RABGAP1L: variants seen among roughly 807,000 people sequenced by gnomAD.
The protein encoded by RABGAP1L is rab GTPase-activating protein 1-like.
Under a neutral mutation model 137.7 loss-of-function variants are expected in RABGAP1L, and 63 were observed. That is an observed-to-expected ratio of 0.46 (90% confidence interval 0.37 to 0.56). The LOEUF (loss-of-function observed/expected upper bound fraction) is 0.56. RABGAP1L is among the 20% of genes least tolerant of loss of function. RABGAP1L has a pLI of 0.00. For missense variants in RABGAP1L, 1,095 were observed against 1,244.0 expected (o/e 0.88, Z 1.80); for synonymous variants, 431 against 433.7 (o/e 0.99, Z 0.08).
At chr1:174,965,557 C>T (rs1203877033) in intron 20 of RABGAP1L, among the ~76,000 whole-genome samples, 1 of 152,186 alleles carries the variant, frequency 6.6e-6, no homozygotes, top group Non-Finnish European at 1.5e-5. Context: ...AAGACAGCCA[C>T]GTTAATATAA....
At chr1:174,811,789 G>C in intron 18 of RABGAP1L, 43 bp from the exon 19 acceptor site, 1 of 1,460,150 alleles carries the variant, frequency 6.8e-7, no homozygotes, top group South Asian at 1.6e-5. Flanking sequence ...TGTCCTCAAA[G>C]CAGGCTGAAA....
chr1:174,616,202 C>T (rs1347136842), intron 13 of RABGAP1L, among the ~76,000 whole-genome samples: 7 of 152,186 alleles, frequency 4.6e-5, no homozygotes, highest in Non-Finnish European at 7.3e-5. Flanking sequence ...CAGAGCTGTT[C>T]CTATTCGGCC....
intron 13 of RABGAP1L, among the ~76,000 whole-genome samples, chr1:174,621,094 C>T (rs1454511182): frequency 1.3e-5 from 2 of 151,824 alleles, no homozygotes; most frequent in Non-Finnish European, 2.9e-5. Context: ...GGAAGAACTC[C>T]CATTCATAAT....
chr1:174,364,446 G>A (rs1030316717), intron 11 of RABGAP1L, among the ~76,000 whole-genome samples: 6 of 150,356 alleles, frequency 4.0e-5, no homozygotes, highest in Non-Finnish European at 8.9e-5. Context: ...AGTAGAGACG[G>A]GGTTTCACCG....
At chr1:174,868,943 AT>A (rs1173151813) in intron 19 of RABGAP1L, among the ~76,000 whole-genome samples, 3 of 152,054 alleles carry the variant, frequency 2.0e-5, no homozygotes, top group Non-Finnish European at 2.9e-5. Context: ...TTGGTAGAGG[AT>A]TGAAATTGTA....
intron 12 of RABGAP1L, among the ~76,000 whole-genome samples, chr1:174,393,542 G>A (rs748661714): frequency 6.6e-6 from 1 of 152,036 alleles, no homozygotes; most frequent in Non-Finnish European, 1.5e-5. Flanking sequence ...TCAGAGAAGT[G>A]GGTATAGTCA....
chr1:174,164,355 T>A (rs1382232578), intron 1 of RABGAP1L, among the ~76,000 whole-genome samples: 1 of 152,218 alleles, frequency 6.6e-6, no homozygotes, highest in East Asian at 1.9e-4. Flanking sequence ...GTAGTATACA[T>A]GAAGGACACC....
chr1:174,492,953 GCATTATTGTCCATTTAATTATCTTTTT>G (rs1223208853), intron 13 of RABGAP1L, among the ~76,000 whole-genome samples: 1 of 151,688 alleles, frequency 6.6e-6, no homozygotes, highest in Non-Finnish European at 1.5e-5. Context: ...ATACATTGCA[GCATTATTGTCCATTTAATTATCTTTTT>G]CATTAGGCTT....
At chr1:174,564,419 T>G (rs1667432240) in intron 13 of RABGAP1L, among the ~76,000 whole-genome samples, 1 of 152,214 alleles carries the variant, frequency 6.6e-6, no homozygotes, top group African/African-American at 2.4e-5. Context: ...CATGTGTTGC[T>G]TTGTTTAATC....
At position 174,460,189 on chromosome 1, in the gene RABGAP1L, T is replaced by C. The variant is rs564807263; in HGVS notation, c.1710+66044T>C. Among the ~76,000 whole-genome samples the C allele has an allele frequency of 2.4e-4, 37 of 152,238 alleles. 1 individual carries two copies. The highest frequency in any genetic ancestry group is 2.3e-3 in the South Asian group (11 of 4,832). On this transcript the variant is annotated intron_variant, in intron 13 of 25. Coordinates refer to ENST00000681986, the MANE Select transcript of RABGAP1L (RefSeq NM_001366446.1). ...GTTATAGCAAATCATTATTAACTTA[T>C]CTCAAATGTTTCTAATTCTCATCCC...
chr1:174,582,728 A>C (rs2148094097), intron 13 of RABGAP1L, among the ~76,000 whole-genome samples: 1 of 152,304 alleles, frequency 6.6e-6, no homozygotes, highest in African/African-American at 2.4e-5. Context: ...ATAATCTAGA[A>C]GGGTTCAAAG....
chr1:174,794,622 G>T (rs1688105988), intron 18 of RABGAP1L, among the ~76,000 whole-genome samples: 1 of 152,248 alleles, frequency 6.6e-6, no homozygotes, highest in South Asian at 2.1e-4. Context: ...GCAATGCCCT[G>T]TTTTGGTCTT....
In RABGAP1L at chr1:174,287,199, T is replaced by C. The variant is rs376668029; in HGVS notation, c.1323+8420T>C. Among the ~76,000 whole-genome samples, 7 of 152,322 alleles carry C rather than the reference T, an allele frequency of 4.6e-5. No individual in the cohort carries two copies. The East Asian group carries it at 5.8e-4, about 13-fold the overall frequency. On this transcript the variant is annotated intron_variant, in intron 10 of 25. Coordinates refer to ENST00000681986, the MANE Select transcript of RABGAP1L (RefSeq NM_001366446.1). Reference sequence around the variant, plus strand: ...AGTTCTCTTAATACTTGTTTTATAATGAGGTACCCTGATGTTAGATGTATT... The same window carrying C: ...AGTTCTCTTAATACTTGTTTTATAACGAGGTACCCTGATGTTAGATGTATT...
At chr1:174,770,365 C>T (rs1373920666) in intron 18 of RABGAP1L, among the ~76,000 whole-genome samples, 1 of 152,142 alleles carries the variant, frequency 6.6e-6, no homozygotes, top group Non-Finnish European at 1.5e-5. Flanking sequence ...AGAAATAATA[C>T]ATTTTATGAA....
chr1:174,912,621 T>A (rs1660229086), intron 19 of RABGAP1L, among the ~76,000 whole-genome samples: 1 of 152,222 alleles, frequency 6.6e-6, no homozygotes, highest in Admixed American at 6.5e-5. Context: ...TGTGTGTCAA[T>A]CTTAGATGAG....
At chr1:174,239,204 G>A (rs148315571) in intron 4 of RABGAP1L, among the ~76,000 whole-genome samples, 2,851 of 152,286 alleles carry the variant, frequency 0.019, 41 homozygotes, top group Middle Eastern at 0.078. Context: ...TACCTCAGAT[G>A]GAAATGCAGA....
At position 174,808,613 on chromosome 1, in the gene RABGAP1L, A is replaced by G. The variant is rs935046821; in HGVS notation, c.2212-3219A>G. On this transcript the variant is annotated intron_variant, in intron 18 of 25. Transcript: ENST00000681986. ...ATACCTTAAATTATTTCATTCTCAA[A>G]TACTTGTTTTTTTGGTGTGTGTGTG... Among the ~76,000 whole-genome samples the G allele has an allele frequency of 7.3e-5, 11 of 151,522 alleles. No individual in the cohort carries two copies. The East Asian group carries it at 1.5e-3, about 21-fold the overall frequency.
intron 19 of RABGAP1L, chr1:174,934,811 A>ATG (rs1338519514): frequency 1.6e-4 from 24 of 152,098 alleles, no homozygotes; most frequent in Non-Finnish European, 3.1e-4. Flanking sequence ...GTGTGTGTGT[A>ATG]TGTGTGTGTA....
In RABGAP1L at chr1:174,571,564, C is replaced by T. The variant is rs145547070; in HGVS notation, c.1711-65811C>T. 3.6e-3 allele frequency among the ~76,000 whole-genome samples: 553 copies of T among 151,832 alleles called. 5 individuals carry two copies. The highest frequency in any genetic ancestry group is 0.011 in the African/African-American group (474 of 41,378). The stretch of plus-strand genomic sequence containing the variant: ...AATATATACACCTACTGTGTACCCA[C>T]GAAATTAAAAATAAAAAAATTTTTA... On this transcript the variant is annotated intron_variant, in intron 13 of 25. Coordinates refer to ENST00000681986, the MANE Select transcript of RABGAP1L (RefSeq NM_001366446.1).
Sources: gnomAD v4.1 joint callset for allele counts (sites outside exome capture counted in the v4.1 genomes callset) on GRCh38, gnomAD v4.1.1 for gene constraint, MANE v1.5 for transcripts, NCBI Gene and HGNC (gene_info 2026-07-23, HGNC 2026-07-21) for gene names.